Variants in PSMD11 observed in about 807,000 individuals in gnomAD.
The protein encoded by PSMD11 is 26S proteasome non-ATPase regulatory subunit 11.
In PSMD11, 5 loss-of-function variants were observed where a neutral mutation model predicts 62.3. The ratio of observed to expected loss-of-function variants is 0.08; its 90% CI spans 0.04 to 0.17. PSMD11 has a LOEUF of 0.17. Among genes scored for constraint, PSMD11 ranks in the 10% least tolerant of loss-of-function variants. The pLI, the probability that PSMD11 is intolerant of heterozygous loss-of-function variation, is 1.00. For missense variants in PSMD11, 310 were observed against 512.9 expected, an observed-to-expected ratio of 0.60 and a Z score of 3.82; for synonymous variants, 191 against 191.8, an observed-to-expected ratio of 1.00 and a Z score of 0.03.
intron 9 of PSMD11, 144 bp downstream of exon 9, chr17:32,477,727 A>C: frequency 1.8e-6 from 1 of 568,258 alleles, no homozygotes; most frequent in Non-Finnish European, 2.9e-6. Flanking sequence ...CAGTATTAAA[A>C]CCAGGAAATA....
At position 32,479,880 on chromosome 17, in the gene PSMD11, C is replaced by T; in HGVS notation, c.1068C>T (p.Leu356=). The change falls in exon 11 of 14, where the codon CTC becomes CTT. Residue 356 remains leucine (L), a synonymous_variant. Transcript: ENST00000261712. ...AACACATATCTAGTCTCATCAAACTCTCCAAGGTAAGGAGTCTTAAGGCCA... is the reference window on the plus strand; with the variant it reads ...AACACATATCTAGTCTCATCAAACTTTCCAAGGTAAGGAGTCTTAAGGCCA... ...QIEHISSLIK[L]SKADVERKLS... 1 of 1,613,690 alleles carries T rather than the reference C, an allele frequency of 6.2e-7. No individual in the cohort carries two copies. Among genetic ancestry groups the T allele is most frequent in the South Asian group, 1.1e-5 (1 of 91,054 alleles).
At chr17:32,472,054 G>C (rs1281789396) in intron 6 of PSMD11, among the ~76,000 whole-genome samples, 4 of 151,906 alleles carry the variant, frequency 2.6e-5, no homozygotes, top group African/African-American at 2.4e-5. Context: ...TTTTTGTAGA[G>C]ATGGGGTTTC....
At position 32,479,882 on chromosome 17, in the gene PSMD11, C is replaced by G; in HGVS notation, c.1070C>G (p.Ser357Cys). The change falls in exon 11 of 14, where the codon TCC (serine) becomes TGC (cysteine). Residue 357 changes from serine to cysteine, a missense_variant. Around this residue, in one of 6 missense-constraint regions of PSMD11, gnomAD observed 135 missense variants for 195.4 expected, o/e 0.69. Transcript: ENST00000261712. Reference sequence around the variant, plus strand: ...CACATATCTAGTCTCATCAAACTCTCCAAGGTAAGGAGTCTTAAGGCCATC... The same window carrying G: ...CACATATCTAGTCTCATCAAACTCTGCAAGGTAAGGAGTCTTAAGGCCATC... The part of the protein sequence containing the change: ...IEHISSLIKL[S>C]KADVERKLSQ... The G allele has an allele frequency of 6.2e-7, 1 of 1,613,626 alleles. No individual in the cohort carries two copies. The highest frequency in any genetic ancestry group is 8.5e-7 in the Non-Finnish European group (1 of 1,179,594).
chr17:32,474,582 C>G (rs1159333729), intron 7 of PSMD11, among the ~76,000 whole-genome samples, 182 bp from the exon 8 acceptor site: 1 of 152,058 alleles, frequency 6.6e-6, no homozygotes, highest in African/African-American at 2.4e-5. Context: ...TGAGCTGTGA[C>G]CCAGAGTGGA....
intron 2 of PSMD11, among the ~76,000 whole-genome samples, chr17:32,448,847 G>A (rs1486096939): frequency 6.6e-6 from 1 of 152,200 alleles, no homozygotes; most frequent in Non-Finnish European, 1.5e-5. Flanking sequence ...AGCTCATGTA[G>A]TCTTACTTCA....
Position 32,464,098 on chromosome 17 carries a change from C to T in PSMD11, c.368C>T (p.Thr123Ile), listed in dbSNP as rs769302240. Reference protein sequence around the residue: ...CIEWAKSEKRTFLRQALEARL... With the variant: ...CIEWAKSEKRIFLRQALEARL... The stretch of plus-strand genomic sequence containing the variant: ...GAATGGGCCAAGTCAGAGAAAAGAA[C>T]TTTCTTACGCCAAGCTTTGGAGGTA... Residue 123 changes from threonine to isoleucine, a missense_variant, in exon 4 of 14, where the codon ACT (threonine) becomes ATT (isoleucine). Coordinates refer to ENST00000261712, the MANE Select transcript of PSMD11 (RefSeq NM_002815.4). 1 of 1,614,042 alleles carries T rather than the reference C, an allele frequency of 6.2e-7. No individual in the cohort carries two copies. Among genetic ancestry groups the T allele is most frequent in the Non-Finnish European group, 8.5e-7 (1 of 1,179,926 alleles).
At chr17:32,480,699 C>T (rs1908463185) in intron 13 of PSMD11, 54 bp from the exon 14 acceptor site, 12 of 1,555,080 alleles carry the variant, frequency 7.7e-6, no homozygotes, top group Non-Finnish European at 9.7e-6. Flanking sequence ...CTGAAAACCT[C>T]CTCCTGGTGT....
At chr17:32,477,366 C>G (rs572084820) in intron 8 of PSMD11, 155 bp from the exon 9 acceptor site, 1 of 527,550 alleles carries the variant, frequency 1.9e-6, no homozygotes. Flanking sequence ...TCAGTACTTG[C>G]GGCTCTTCTT....
At chr17:32,446,397 T>G (rs1173255244) in intron 1 of PSMD11, among the ~76,000 whole-genome samples, 1 of 152,208 alleles carries the variant, frequency 6.6e-6, no homozygotes, top group East Asian at 1.9e-4. Flanking sequence ...GGGGCTTTGA[T>G]AGAGTTGTTT....
chr17:32,449,784 G>T (rs1907435360), intron 2 of PSMD11, among the ~76,000 whole-genome samples: 4 of 152,170 alleles, frequency 2.6e-5, no homozygotes. Context: ...TGATATGTTT[G>T]TATTGTTTGC....
chr17:32,473,704 G>A lies in PSMD11; in HGVS notation c.644-97G>A, dbSNP rs1218689881. 7 of 1,269,548 alleles carry A rather than the reference G, an allele frequency of 5.5e-6. No homozygotes were observed. The African/African-American group carries it at 7.5e-5, about 14-fold the overall frequency. 78.6% of individuals were successfully genotyped at this position (1,269,548 alleles called of 1,614,324 possible). ...TGTGGATTTACAGGTGTGAGCCACC[G>A]TGCCCATTTAGGTAGATGTCTAAGC... is the stretch of plus-strand genomic sequence containing the variant. On this transcript the variant is annotated intron_variant, in intron 6 of 13. Transcript: ENST00000261712.
At chr17:32,475,340 T>G (rs1269640082) in intron 8 of PSMD11, among the ~76,000 whole-genome samples, 1 of 152,094 alleles carries the variant, frequency 6.6e-6, no homozygotes, top group Admixed American at 6.6e-5. Context: ...CCTTTTTTTT[T>G]TTTTGTTACC....
intron 3 of PSMD11, among the ~76,000 whole-genome samples, chr17:32,460,592 T>A (rs1018436816): frequency 5.3e-5 from 8 of 151,962 alleles, no homozygotes; most frequent in Non-Finnish European, 1.0e-4. Context: ...GCTAACACGG[T>A]GAAACCTTGT....
At chr17:32,473,023 T>C (rs1383406045) in intron 6 of PSMD11, among the ~76,000 whole-genome samples, 2 of 150,878 alleles carry the variant, frequency 1.3e-5, no homozygotes, top group Non-Finnish European at 3.0e-5. Flanking sequence ...CCGGGCGTGG[T>C]AGTGGGTGCC....
At chr17:32,474,364 A>G (rs1167942779) in intron 7 of PSMD11, among the ~76,000 whole-genome samples, 1 of 152,248 alleles carries the variant, frequency 6.6e-6, no homozygotes, top group Non-Finnish European at 1.5e-5. Flanking sequence ...CTTATAAAGA[A>G]GTCTACAGAA....
intron 8 of PSMD11, among the ~76,000 whole-genome samples, chr17:32,475,404 A>T (rs1908288089): frequency 6.6e-6 from 1 of 151,796 alleles, no homozygotes; most frequent in Non-Finnish European, 1.5e-5. Context: ...GTTAGGACCT[A>T]CGCAAAGATG....
chr17:32,463,173 C>G (rs1011238650), intron 3 of PSMD11, among the ~76,000 whole-genome samples: 3 of 152,216 alleles, frequency 2.0e-5, no homozygotes, highest in Non-Finnish European at 4.4e-5. Context: ...TTTGTCAAAG[C>G]TAGCATGTCA....
rs1466850296 is a variant in PSMD11 at position 32,482,660 on chromosome 17, T to C, written c.*1908T>C. 1.3e-5 allele frequency: 2 copies of C among 152,302 alleles called. No individual in the cohort carries two copies. The highest frequency in any genetic ancestry group is 4.8e-5 in the African/African-American group (2 of 41,448). The allele number at this position is 152,302 out of a possible 1,614,324, so 9.4% of individuals were successfully genotyped here. ...CAGTAGATCCTCTGAGCCTACTTTC[T>C]CTTCTACTCAGTGAGGATGCTGCTT... On this transcript the variant is annotated 3_prime_UTR_variant, in exon 14 of 14. Coordinates refer to ENST00000261712, the MANE Select transcript of PSMD11 (RefSeq NM_002815.4).
chr17:32,462,979 C>T (rs796190515), intron 3 of PSMD11, among the ~76,000 whole-genome samples: 8 of 152,304 alleles, frequency 5.3e-5, no homozygotes, highest in African/African-American at 1.4e-4. Flanking sequence ...TGAGCCACTG[C>T]GCCTGGCCAG....
Sources: gnomAD v4.1 joint callset for allele counts (sites outside exome capture counted in the v4.1 genomes callset) on GRCh38, gnomAD v4.1.1 for gene constraint, gnomAD v4.1.1 regional missense constraint, MANE v1.5 for transcripts, NCBI Gene and HGNC (gene_info 2026-07-23, HGNC 2026-07-21) for gene names.